Variants in GPD2 observed in about 807,000 individuals in gnomAD.
GPD2 encodes glycerol-3-phosphate dehydrogenase 2.
A neutral mutation model predicts 82.4 loss-of-function variants in GPD2; 54 were observed. The observed-to-expected ratio is 0.66, with a 90% confidence interval of 0.53 to 0.82. The LOEUF is 0.82. GPD2 is among the 40% of genes least tolerant of loss of function. GPD2 has a pLI of 0.00. For missense variants in GPD2, 748 were observed against 896.2 expected (o/e 0.83, Z 2.11); for synonymous variants, 288 against 306.1 (o/e 0.94, Z 0.62).
At chr2:156,447,332 C>T (rs903055150) in intron 1 of GPD2, among the ~76,000 whole-genome samples, 1 of 152,030 alleles carries the variant, frequency 6.6e-6, no homozygotes, top group African/African-American at 2.4e-5. Flanking sequence ...TCAGATGAAT[C>T]TCTCTCTTTT....
In GPD2 at chr2:156,510,905, G is replaced by A; in HGVS notation, c.384G>A (p.Lys128=). ...GVRYLQKAIM[K]LDIEQYRMVK... ...GATATCTGCAGAAGGCCATCATGAA[G>A]TTGGATATTGAGCAGGTAATTGTGT... The change falls in exon 4 of 17, where the codon AAG becomes AAA. Residue 128 remains lysine, a synonymous_variant. Coordinates refer to ENST00000438166, the MANE Select transcript of GPD2 (RefSeq NM_000408.5). 6.2e-7 allele frequency: 1 copy of A among 1,613,682 alleles called. No homozygotes were observed. The highest frequency in any genetic ancestry group is 1.1e-5 in the South Asian group (1 of 91,078).
At chr2:156,439,560 A>G (rs1181138361) in intron 1 of GPD2, among the ~76,000 whole-genome samples, 2 of 125,740 alleles carry the variant, frequency 1.6e-5, no homozygotes, top group East Asian at 5.4e-4. Flanking sequence ...AAAACAAGCC[A>G]GGCAGGCACA....
the GPD2 span, among the ~76,000 whole-genome samples, chr2:156,425,043 A>G: frequency 5.1e-4 from 77 of 152,116 alleles, no homozygotes; most frequent in African/African-American, 1.8e-3. Flanking sequence ...CTCAGTTCAT[A>G]TTCAAATTTC....
intron 2 of GPD2, among the ~76,000 whole-genome samples, chr2:156,480,074 T>C (rs1683668042): frequency 6.6e-6 from 1 of 152,234 alleles, no homozygotes; most frequent in Non-Finnish European, 1.5e-5. Context: ...CACTTTTAAT[T>C]GGATGAAACT....
intron 2 of GPD2, chr2:156,495,836 T>C (rs1184600539): frequency 5.4e-6 from 3 of 559,120 alleles, no homozygotes; most frequent in Non-Finnish European, 9.7e-6. Flanking sequence ...TATGGCTAAA[T>C]AGTTGTGATT....
chr2:156,460,084 G>A (rs1682938067), intron 1 of GPD2, among the ~76,000 whole-genome samples: 1 of 152,142 alleles, frequency 6.6e-6, no homozygotes, highest in Admixed American at 6.5e-5. Flanking sequence ...GAATTTTTTG[G>A]ATTAAGTTTA....
chr2:156,527,710 T>C (rs1685666013), intron 6 of GPD2, among the ~76,000 whole-genome samples: 1 of 152,122 alleles, frequency 6.6e-6, no homozygotes, highest in Non-Finnish European at 1.5e-5. Flanking sequence ...TTAAAAGCAA[T>C]ATCAAATAAT....
intron 6 of GPD2, among the ~76,000 whole-genome samples, chr2:156,547,481 G>T (rs1008783280): frequency 1.3e-5 from 2 of 152,164 alleles, no homozygotes; most frequent in African/African-American, 2.4e-5. Context: ...ATTCTAGGTA[G>T]TATGAACCAT....
At chr2:156,469,670 G>A (rs887744133) in intron 1 of GPD2, among the ~76,000 whole-genome samples, 6 of 152,216 alleles carry the variant, frequency 3.9e-5, no homozygotes, top group African/African-American at 9.6e-5. Flanking sequence ...AAGGCTGGTC[G>A]TTGAAATTAC....
At chr2:156,555,081 A>T (rs1686911285) in intron 8 of GPD2, among the ~76,000 whole-genome samples, 1 of 152,230 alleles carries the variant, frequency 6.6e-6, no homozygotes. Flanking sequence ...TGCAAAATTG[A>T]TCCTTCATGA....
At chr2:156,418,942 AGGGAGAGACTGT>A in the GPD2 span, among the ~76,000 whole-genome samples, 13 of 150,660 alleles carry the variant, frequency 8.6e-5, no homozygotes, top group Admixed American at 8.6e-4. Flanking sequence ...ATAAAGGCTT[AGGGAGAGACTGT>A]GGGGTGTGAA....
intron 2 of GPD2, among the ~76,000 whole-genome samples, chr2:156,478,007 T>C (rs1393295793): frequency 6.6e-6 from 1 of 152,242 alleles, no homozygotes; most frequent in Non-Finnish European, 1.5e-5. Context: ...TAAATTTATA[T>C]GTGGTTTATA....
upstream of GPD2, chr2:156,435,780 A>T (rs1016156296): frequency 1.3e-5 from 2 of 152,346 alleles, no homozygotes; most frequent in African/African-American, 4.8e-5. Context: ...GCCAGATCCC[A>T]GGGCGGACAA....
chr2:156,552,669 TTAAA>T lies in GPD2; in HGVS notation c.971+1927_971+1930del, dbSNP rs200756443. 9.8e-3 allele frequency among the ~76,000 whole-genome samples: 1,492 copies of T among 152,302 alleles called. 7 individuals are homozygous for T. The highest frequency in any genetic ancestry group is 0.012 in the Non-Finnish European group (809 of 68,016). The stretch of plus-strand genomic sequence containing the variant: ...CACAGACCTTATGTTAATTCTGTCA[TTAAA>T]TAATTAAATAATTTGGGACAAGCCA... On this transcript the variant is annotated intron_variant, in intron 8 of 16. Transcript: ENST00000438166.
At chr2:156,537,900 T>C (rs1686141421) in intron 6 of GPD2, among the ~76,000 whole-genome samples, 1 of 152,242 alleles carries the variant, frequency 6.6e-6, no homozygotes, top group South Asian at 2.1e-4. Context: ...AGAGATTATA[T>C]CTGTAGGTAG....
At chr2:156,441,010 C>T (rs298303) in intron 1 of GPD2, among the ~76,000 whole-genome samples, 147,449 of 152,236 alleles carry the variant, frequency 0.97, 71,582 homozygotes, top group East Asian at 1. Context: ...TCCAGACCTC[C>T]GGGGAGAGGA....
intron 1 of GPD2, among the ~76,000 whole-genome samples, chr2:156,458,932 A>T (rs1317644547): frequency 2.0e-5 from 3 of 152,090 alleles, no homozygotes; most frequent in African/African-American, 7.2e-5. Flanking sequence ...GATTTTTAAC[A>T]TTTTGGGGTA....
At chr2:156,422,185 T>G in the GPD2 span, among the ~76,000 whole-genome samples, 15 of 152,328 alleles carry the variant, frequency 9.8e-5, no homozygotes, top group Non-Finnish European at 1.3e-4. Context: ...AAGAATCAAT[T>G]TGACAAGTTG....
chr2:156,562,413 T>C (rs1687208275), intron 9 of GPD2, among the ~76,000 whole-genome samples: 1 of 152,218 alleles, frequency 6.6e-6, no homozygotes, highest in Non-Finnish European at 1.5e-5. Context: ...GTTTCATTAG[T>C]TTATAAATGT....
Sources: gnomAD v4.1 joint callset for allele counts (sites outside exome capture counted in the v4.1 genomes callset) on GRCh38, gnomAD v4.1.1 for gene constraint, MANE v1.5 for transcripts, NCBI Gene and HGNC (gene_info 2026-07-23, HGNC 2026-07-21) for gene names.